The following CDH20 variants were observed in gnomAD, a reference collection of about 807,000 sequenced individuals.
The protein encoded by CDH20 is cadherin 20.
Under a neutral mutation model 74.2 loss-of-function variants are expected in CDH20, and 29 were observed. The ratio of observed to expected loss-of-function variants is 0.39; its 90% CI spans 0.29 to 0.53. CDH20 has a LOEUF of 0.53. CDH20 is among the 20% of genes least tolerant of loss of function. CDH20 has a pLI of 0.69. For synonymous variants in CDH20, 469 were observed against 405.4 expected (o/e 1.16, Z -1.88); for missense variants, 988 against 1,048.3 (o/e 0.94, Z 0.79).
At chr18:61,437,007 T>C (rs1488881067) in intron 1 of CDH20, among the ~76,000 whole-genome samples, 1 of 152,146 alleles carries the variant, frequency 6.6e-6, no homozygotes, top group Non-Finnish European at 1.5e-5. Flanking sequence ...ATGAGGAATA[T>C]AAAAGAAGTA....
chr18:61,486,340 G>A (rs911740505), intron 1 of CDH20, among the ~76,000 whole-genome samples: 2 of 152,092 alleles, frequency 1.3e-5, no homozygotes, highest in Non-Finnish European at 2.9e-5. Flanking sequence ...TTTTCTTTAT[G>A]GGATTCTACA....
At chr18:61,469,532 C>T (rs982654131) in intron 1 of CDH20, among the ~76,000 whole-genome samples, 10 of 152,166 alleles carry the variant, frequency 6.6e-5, no homozygotes, top group Admixed American at 5.9e-4. Context: ...GTCTCCTCTC[C>T]CCTCTCAACC....
In CDH20 at chr18:61,472,207, C is replaced by T. The variant is rs192974662; in HGVS notation, c.-152-18195C>T. Reference sequence around the variant, plus strand: ...ACATCATTTGCTGCTAATCACCTAACTTAAGAGATGCCTTTTGTTCCCACT... The same window carrying T: ...ACATCATTTGCTGCTAATCACCTAATTTAAGAGATGCCTTTTGTTCCCACT... On this transcript the variant is annotated intron_variant, in intron 1 of 11. Transcript: ENST00000262717. 1.5e-3 allele frequency among the ~76,000 whole-genome samples: 232 copies of T among 152,200 alleles called. 1 individual carries two copies. Among genetic ancestry groups the T allele is most frequent in the Middle Eastern group, 6.8e-3 (2 of 294 alleles).
At chr18:61,376,039 A>G (rs1176465047) in intron 1 of CDH20, among the ~76,000 whole-genome samples, 1 of 152,194 alleles carries the variant, frequency 6.6e-6, no homozygotes, top group Non-Finnish European at 1.5e-5. Flanking sequence ...CTTAAAATAT[A>G]TGAATTATTG....
In CDH20 at chr18:61,550,230, G is replaced by T; in HGVS notation, c.1900+1G>T. ...CTCGCCTGCATCTTTGTCCTCTTAGGTGAGTAAGGGGCTGCTTTCCCTTCT... is the reference window on the plus strand; with the variant it reads ...CTCGCCTGCATCTTTGTCCTCTTAGTTGAGTAAGGGGCTGCTTTCCCTTCT... On this transcript the variant is annotated splice_donor_variant, in intron 11 of 11. Coordinates refer to ENST00000262717, the MANE Select transcript of CDH20 (RefSeq NM_031891.4). LOFTEE classifies it high-confidence loss of function. The T allele has an allele frequency of 6.2e-7, 1 of 1,611,632 alleles. No homozygotes were observed. Among genetic ancestry groups the T allele is most frequent in the Non-Finnish European group, 8.5e-7 (1 of 1,178,470 alleles).
At chr18:61,443,340 A>G (rs563914698) in intron 1 of CDH20, among the ~76,000 whole-genome samples, 45 of 152,290 alleles carry the variant, frequency 3.0e-4, no homozygotes, top group African/African-American at 1.1e-3. Context: ...TTCTTTTGCT[A>G]TGTAGGAATA....
At chr18:61,474,703 A>G (rs2144389653) in intron 1 of CDH20, among the ~76,000 whole-genome samples, 1 of 152,278 alleles carries the variant, frequency 6.6e-6, no homozygotes, top group African/African-American at 2.4e-5. Context: ...TAATGCTGAG[A>G]ATACAGAGGT....
intron 1 of CDH20, among the ~76,000 whole-genome samples, chr18:61,439,726 A>G (rs1908963944): frequency 6.6e-6 from 1 of 152,092 alleles, no homozygotes; most frequent in South Asian, 2.1e-4. Flanking sequence ...TATTTTTATT[A>G]TACTGCAAAC....
chr18:61,375,578 T>C (rs568398810), intron 1 of CDH20, among the ~76,000 whole-genome samples: 66 of 152,302 alleles, frequency 4.3e-4, no homozygotes, highest in Non-Finnish European at 5.9e-5. Flanking sequence ...CATTCTTCAG[T>C]ATTTTGTATG....
chr18:61,409,360 C>T (rs1912424982), intron 1 of CDH20, among the ~76,000 whole-genome samples: 2 of 152,162 alleles, frequency 1.3e-5, no homozygotes, highest in Non-Finnish European at 2.9e-5. Flanking sequence ...TCTGTCTTTG[C>T]TAGCCTGAGC....
chr18:61,499,290 C>A lies in CDH20; in HGVS notation c.351C>A (p.His117Gln). The change falls in exon 3 of 12, where the codon CAC becomes CAA. Residue 117 changes from histidine (H) to glutamine (Q), a missense_variant. Around this residue, in one of 2 missense-constraint regions of CDH20, gnomAD observed 613 missense variants for 755.2 expected, o/e 0.81. Coordinates refer to ENST00000262717, the MANE Select transcript of CDH20 (RefSeq NM_031891.4). ...TCGACGACACCACTGGAGACATCCA[C>A]GCCATTCAGAGGCTCGACCGAGAGG... is the stretch of plus-strand genomic sequence containing the variant. Reference protein sequence around the residue: ...FTIDDTTGDIHAIQRLDREER... With the variant: ...FTIDDTTGDIQAIQRLDREER... The A allele has an allele frequency of 6.2e-7, 1 of 1,613,954 alleles. No individual in the cohort carries two copies. Among genetic ancestry groups the A allele is most frequent in the Non-Finnish European group, 8.5e-7 (1 of 1,179,918 alleles).
chr18:61,360,055 C>T (rs1203396968), intron 1 of CDH20, among the ~76,000 whole-genome samples: 2 of 151,966 alleles, frequency 1.3e-5, no homozygotes, highest in African/African-American at 4.8e-5. Flanking sequence ...CACCCATTTC[C>T]CTTTTCACTT....
chr18:61,437,196 A>T, intron 1 of CDH20, among the ~76,000 whole-genome samples: 1 of 152,192 alleles, frequency 6.6e-6, no homozygotes, highest in Admixed American at 6.5e-5. Flanking sequence ...GCCTTTGACC[A>T]GAACAAAACA....
intron 1 of CDH20, among the ~76,000 whole-genome samples, chr18:61,342,236 CAG>C (rs1308700450): frequency 5.3e-5 from 8 of 152,110 alleles, no homozygotes; most frequent in African/African-American, 1.9e-4. Context: ...GAAAAATTGA[CAG>C]AGCAAAAAAA....
chr18:61,449,819 AG>A (rs1909321307), intron 1 of CDH20, among the ~76,000 whole-genome samples: 1 of 151,962 alleles, frequency 6.6e-6, no homozygotes, highest in East Asian at 1.9e-4. Flanking sequence ...CTGAACAGGG[AG>A]GGGGTATTTT....
In CDH20 at chr18:61,496,627, G is replaced by A. The variant is rs926639557; in HGVS notation, c.247-2559G>A. Among the ~76,000 whole-genome samples, 4 of 152,040 alleles carry A rather than the reference G, an allele frequency of 2.6e-5. No individual in the cohort carries two copies. In the South Asian group the frequency reaches 8.3e-4, roughly 32 times the overall value. ...CGCTGTCGCTGTCGTTTCTTAAAGC[G>A]CTTAAAGCGCGCTCACCTGCGGCCT... is the stretch of plus-strand genomic sequence containing the variant. On this transcript the variant is annotated intron_variant, in intron 2 of 11. Coordinates refer to ENST00000262717, the MANE Select transcript of CDH20 (RefSeq NM_031891.4).
At chr18:61,444,074 T>C (rs939358244) in intron 1 of CDH20, among the ~76,000 whole-genome samples, 5 of 152,158 alleles carry the variant, frequency 3.3e-5, no homozygotes, top group African/African-American at 1.2e-4. Context: ...TTGGGGCTTA[T>C]AGCTAGTCAA....
chr18:61,553,942 T>A (rs534806929), intron 11 of CDH20, among the ~76,000 whole-genome samples: 1 of 152,226 alleles, frequency 6.6e-6, no homozygotes, highest in Non-Finnish European at 1.5e-5. Flanking sequence ...TAAGCGACTA[T>A]AGGCAACTTT....
intron 4 of CDH20, among the ~76,000 whole-genome samples, 170 bp downstream of exon 4, chr18:61,500,672 TAAGAGCAGCA>T (rs1911345706): frequency 1.3e-5 from 2 of 152,128 alleles, no homozygotes; most frequent in African/African-American, 4.8e-5. Flanking sequence ...CCCTGACAGG[TAAGAGCAGCA>T]CTATGCATAG....
Sources: allele counts gnomAD v4.1 joint callset (sites outside exome capture counted in the v4.1 genomes callset), GRCh38; gene constraint gnomAD v4.1.1; regional missense constraint gnomAD v4.1.1; transcripts MANE v1.5; gene names NCBI Gene and HGNC (gene_info 2026-07-23, HGNC 2026-07-21).